Variants in FREM1 observed in about 807,000 individuals in gnomAD.
FREM1 encodes FRAS1-related extracellular matrix protein 1.
A neutral mutation model predicts 210.1 loss-of-function variants in FREM1; 220 were observed. The observed-to-expected ratio is 1.05, with a 90% CI of 0.94 to 1.17. The LOEUF (loss-of-function observed/expected upper bound fraction) is 1.17. FREM1 is among the 50% of genes most tolerant of loss of function. FREM1 has a pLI of 0.00. For missense variants in FREM1, 3,454 were observed against 2,675.5 expected (o/e 1.29, Z -6.42); for synonymous variants, 1,189 against 980.2 (o/e 1.21, Z -3.98).
chr9:14,746,989 T>G lies in FREM1; in HGVS notation c.6072A>C (p.Glu2024Asp), dbSNP rs1442827295. Residue 2024 changes from glutamate (E) to aspartate (D), a missense_variant, in exon 34 of 37, where the codon GAA becomes GAC. By Grantham distance (45) the Glu-to-Asp change is conservative. Transcript: ENST00000380880. ...TLELKGLFHF[E>D]EGIQKLYQCN... ...ACTGATACAGCTTCTGGATGCCTTC[T>G]TCAAAATGGAAGAGTCCCTTTAATT... is the stretch of plus-strand genomic sequence containing the variant. 2.5e-6 allele frequency: 4 copies of G among 1,613,194 alleles called. No homozygotes were observed. Among genetic ancestry groups the G allele is most frequent in the Non-Finnish European group, 3.4e-6 (4 of 1,179,646 alleles).
intron 10 of FREM1, among the ~76,000 whole-genome samples, chr9:14,833,718 T>C (rs921947848): frequency 1.3e-5 from 2 of 152,256 alleles, no homozygotes; most frequent in Non-Finnish European, 2.9e-5. Context: ...TAAGAGTGGA[T>C]ATTCAAGTTA....
chr9:14,910,136 A>C lies in FREM1; in HGVS notation c.-490T>G, dbSNP rs1306579848. On this transcript the variant is annotated 5_prime_UTR_variant, in exon 1 of 37. Transcript: ENST00000380880. ...CATTAACCCACCTCACAGAAAATAC[A>C]GAATTGAAGTTCACATACACACTCC... 6.6e-6 allele frequency: 1 copy of C among 152,234 alleles called. No individual in the cohort carries two copies. Among genetic ancestry groups the C allele is most frequent in the African/African-American group, 2.4e-5 (1 of 41,462 alleles). The allele number at this position is 152,234 out of a possible 1,614,324, so 9.4% of individuals were successfully genotyped here.
intron 15 of FREM1, among the ~76,000 whole-genome samples, chr9:14,815,262 C>G (rs1820097898): frequency 6.6e-6 from 1 of 152,196 alleles, no homozygotes; most frequent in South Asian, 2.1e-4. Flanking sequence ...CAAGACTACA[C>G]TGTCTAGTCA....
chr9:14,782,839 G>C (rs1212006076), intron 24 of FREM1, among the ~76,000 whole-genome samples: 2 of 152,172 alleles, frequency 1.3e-5, no homozygotes, highest in Non-Finnish European at 1.5e-5. Context: ...CAGGTGCTAC[G>C]AGCATCATTC....
In FREM1 at chr9:14,775,780, C is replaced by G. The variant is rs1436631746; in HGVS notation, c.4857+9G>C. On this transcript the variant is annotated intron_variant, in intron 25 of 36. Transcript: ENST00000380880. The stretch of plus-strand genomic sequence containing the variant: ...TCTCTGGCAAATGAACTGTGTTTTT[C>G]ATACTTGCCTGAATGGTGAATAAAA... 5 of 1,482,390 alleles carry G rather than the reference C, an allele frequency of 3.4e-6. No individual in the cohort carries two copies. The highest frequency in any genetic ancestry group is 4.6e-6 in the Non-Finnish European group (5 of 1,080,314). The allele number at this position is 1,482,390 out of a possible 1,614,324, so 91.8% of individuals were successfully genotyped here.
chr9:14,741,074 ATTAT>A (rs945289694), intron 35 of FREM1, among the ~76,000 whole-genome samples: 1 of 152,160 alleles, frequency 6.6e-6, no homozygotes, highest in Non-Finnish European at 1.5e-5. Flanking sequence ...TGTAATTTGT[ATTAT>A]TTGTCAATTA....
chr9:14,779,579 C>T (rs528229640), intron 24 of FREM1: 22 of 681,534 alleles, frequency 3.2e-5, no homozygotes, highest in South Asian at 6.7e-5. Flanking sequence ...CATCTCAGGA[C>T]GGCCACATCT....
rs1832033657 is a variant in FREM1 at position 14,868,797 on chromosome 9, C to G, written c.181G>C (p.Glu61Gln). Residue 61 changes from glutamate (E) to glutamine (Q), a missense_variant, in exon 2 of 37, where the codon GAA (glutamate) becomes CAA (glutamine). Transcript: ENST00000380880. Reference sequence around the variant, plus strand: ...GTTATTGGCTCATTCATCACAACTTCCACTTTGCAGGCATCTTTCTCTTTA... The same window carrying G: ...GTTATTGGCTCATTCATCACAACTTGCACTTTGCAGGCATCTTTCTCTTTA... ...IPKEKDACKV[E>Q]VVMNEPITQR... 2 of 1,613,122 alleles carry G rather than the reference C, an allele frequency of 1.2e-6. No homozygotes were observed. Among genetic ancestry groups the G allele is most frequent in the East Asian group, 4.5e-5 (2 of 44,874 alleles).
Position 14,851,502 on chromosome 9 carries a change from G to GGAT in FREM1, c.931_933dup (p.Ile311dup). On this transcript the variant is annotated inframe_insertion, in exon 6 of 37. Transcript: ENST00000380880. The stretch of plus-strand genomic sequence containing the variant: ...AGAACTGATGTAGTCAAGGAGGTCA[G>GGAT]GATGAACTGATCCACTTCCAGAATA... 1 of 1,613,936 alleles carries GGAT rather than the reference G, an allele frequency of 6.2e-7. No homozygotes were observed. The highest frequency in any genetic ancestry group is 8.5e-7 in the Non-Finnish European group (1 of 1,179,832).
rs536211572 is a variant in FREM1 at position 14,876,284 on chromosome 9, G to C, written c.-267-7040C>G. 2.0e-5 allele frequency among the ~76,000 whole-genome samples: 3 copies of C among 152,288 alleles called. No individual in the cohort carries two copies. The South Asian group carries it at 6.2e-4, about 32-fold the overall frequency. On this transcript the variant is annotated intron_variant, in intron 1 of 36. Coordinates refer to ENST00000380880, the MANE Select transcript of FREM1 (RefSeq NM_001379081.2). ...TTTCTGTGCCCTGCCCCCAGAGGTG[G>C]AGCCTACAGAGGCAGGCAGGTCTCC...
intron 10 of FREM1, among the ~76,000 whole-genome samples, chr9:14,838,754 CG>C (rs1825093899): frequency 6.6e-6 from 1 of 152,028 alleles, no homozygotes; most frequent in Non-Finnish European, 1.5e-5. Flanking sequence ...TGAATAATTC[CG>C]GGTCCCTACT....
chr9:14,796,261 A>G lies in FREM1; in HGVS notation c.3839+1237T>C, dbSNP rs141158960. On this transcript the variant is annotated intron_variant, in intron 21 of 36. Coordinates refer to ENST00000380880, the MANE Select transcript of FREM1 (RefSeq NM_001379081.2). ...TTCAGTAAGTTATTCACTCCCTGAT[A>G]AAAACCCAGACTATCTACAACATGT... Among the ~76,000 whole-genome samples the G allele has an allele frequency of 5.8e-3, 877 of 152,264 alleles. 10 individuals are homozygous for G. The highest frequency in any genetic ancestry group is 0.02 in the African/African-American group (831 of 41,552).
In FREM1 at chr9:14,750,154, C is replaced by T; in HGVS notation, c.5530G>A (p.Ala1844Thr). The change falls in exon 30 of 37, where the codon GCA becomes ACA. Residue 1844 changes from alanine to threonine, a missense_variant. By Grantham distance (58) the Ala-to-Thr change is moderately conservative. Transcript: ENST00000380880. ...NAVLGTKTKA[A>T]VKILDSKGGQ... ...CCTTTTGAGTCCAAAATTTTCACTG[C>T]AGCTTTTGTCTTTGTGCCAAGAACT... 6.2e-7 allele frequency: 1 copy of T among 1,613,722 alleles called. No homozygotes were observed. Among genetic ancestry groups the T allele is most frequent in the Non-Finnish European group, 8.5e-7 (1 of 1,179,780 alleles).
intron 3 of FREM1, among the ~76,000 whole-genome samples, chr9:14,859,803 A>G (rs1307780957): frequency 6.6e-6 from 1 of 152,176 alleles, no homozygotes; most frequent in East Asian, 1.9e-4. Context: ...GTAATTTAAG[A>G]GTCTCAAGCC....
At chr9:14,808,653 ATTC>A (rs1419261090) in intron 16 of FREM1, among the ~76,000 whole-genome samples, 3 of 152,328 alleles carry the variant, frequency 2.0e-5, no homozygotes, top group African/African-American at 4.8e-5. Context: ...TTCTTTCAAT[ATTC>A]TTCTTATTAT....
chr9:14,905,591 A>C (rs1293060086), intron 1 of FREM1, among the ~76,000 whole-genome samples: 1 of 152,218 alleles, frequency 6.6e-6, no homozygotes, highest in Non-Finnish European at 1.5e-5. Context: ...CTTTTGGTCT[A>C]TAAGAATCAA....
intron 22 of FREM1, among the ~76,000 whole-genome samples, chr9:14,791,962 A>T (rs1321030103): frequency 6.6e-6 from 1 of 151,864 alleles, no homozygotes; most frequent in Non-Finnish European, 1.5e-5. Flanking sequence ...CTCCGCCTGC[A>T]GAGTAATGAG....
intron 10 of FREM1, among the ~76,000 whole-genome samples, chr9:14,825,675 G>A (rs1422412872): frequency 6.6e-6 from 1 of 151,122 alleles, no homozygotes; most frequent in East Asian, 1.9e-4. Context: ...CCAACAACCT[G>A]TGCTTTCTTT....
intron 6 of FREM1, among the ~76,000 whole-genome samples, chr9:14,850,861 T>G (rs1482319693): frequency 6.6e-6 from 1 of 152,268 alleles, no homozygotes; most frequent in Non-Finnish European, 1.5e-5. Flanking sequence ...AATGTGGCCC[T>G]CAGAAATATT....
Sources: allele counts gnomAD v4.1 joint callset (sites outside exome capture counted in the v4.1 genomes callset), GRCh38; gene constraint gnomAD v4.1.1; transcripts MANE v1.5; gene names NCBI Gene and HGNC (gene_info 2026-07-23, HGNC 2026-07-21).